The following BMP1 variants were observed in gnomAD, a reference collection of about 807,000 sequenced individuals.
BMP1 encodes the protein mammalian tolloid protein.
A neutral mutation model predicts 116.8 loss-of-function variants in BMP1; 63 were observed. The observed-to-expected ratio is 0.54, with a 90% confidence interval of 0.44 to 0.67. The LOEUF (loss-of-function observed/expected upper bound fraction) is 0.67, where lower values mean the gene tolerates loss of function less well. BMP1 is among the 30% of genes least tolerant of loss of function. The probability of loss-of-function intolerance (pLI) is 0.00; values close to 1 mark genes in which losing one functional copy is unlikely to be tolerated. For synonymous variants in BMP1, 536 were observed against 533.4 expected (o/e 1.00, Z -0.07); for missense variants, 1,183 against 1,358.9 (o/e 0.87, Z 2.04).
intron 15 of BMP1, chr8:22,201,373 G>A: frequency 1.4e-6 from 2 of 1,469,912 alleles, no homozygotes; most frequent in Non-Finnish European, 8.9e-7. Flanking sequence ...CCCGTCCGCG[G>A]ACCGGGGACC....
chr8:22,211,928 A>G lies in BMP1; in HGVS notation c.*200A>G, dbSNP rs1219272438. The G allele has an allele frequency of 2.7e-6, 2 of 733,684 alleles. No individual in the cohort carries two copies. The highest frequency in any genetic ancestry group is 4.3e-6 in the Non-Finnish European group (2 of 460,076). The allele number at this position is 733,684 out of a possible 1,614,324, so 45.4% of individuals were successfully genotyped here. A position where few individuals can be genotyped will look rare whatever the true frequency, so the allele number is the denominator to read the frequency against. On this transcript the variant is annotated 3_prime_UTR_variant, in exon 20 of 20. Transcript: ENST00000306385. ...AGCCACTTCCCCACAAACCCCCACC[A>G]GCAAGGGGCTGGGGCCAGGGAGCAG...
chr8:22,191,873 C>T (rs778296029), intron 8 of BMP1, among the ~76,000 whole-genome samples, 176 bp from the exon 9 acceptor site: 3 of 152,222 alleles, frequency 2.0e-5, no homozygotes, highest in Non-Finnish European at 4.4e-5. Flanking sequence ...GCTGACCATA[C>T]ACAGACAACT....
chr8:22,184,696 T>G (rs894236639), intron 8 of BMP1, among the ~76,000 whole-genome samples: 57 of 152,146 alleles, frequency 3.7e-4, no homozygotes, highest in Non-Finnish European at 2.1e-4. Flanking sequence ...CCCATAACAC[T>G]TTTACAACCT....
intron 16 of BMP1, among the ~76,000 whole-genome samples, chr8:22,202,640 G>A (rs899604241): frequency 1.3e-5 from 2 of 152,202 alleles, no homozygotes; most frequent in Non-Finnish European, 2.9e-5. Context: ...TTGAGCTCAG[G>A]CATTCAAGAC....
chr8:22,177,147 C>T lies in BMP1; in HGVS notation c.730+8C>T. On this transcript the variant is annotated splice_region_variant and intron_variant, in intron 5 of 19. Transcript: ENST00000306385. The stretch of plus-strand genomic sequence containing the variant: ...GTGAGAACATCCAGCCAGGTAGGTA[C>T]CTGCCCCTCGGTGCGGCCTTGGTGG... 3 of 1,592,876 alleles carry T rather than the reference C, an allele frequency of 1.9e-6. No individual in the cohort carries two copies. Among genetic ancestry groups the T allele is most frequent in the Non-Finnish European group, 1.7e-6 (2 of 1,166,804 alleles).
chr8:22,190,895 G>A (rs997903318), intron 8 of BMP1, among the ~76,000 whole-genome samples: 5 of 152,144 alleles, frequency 3.3e-5, no homozygotes, highest in African/African-American at 7.2e-5. Flanking sequence ...TCGAGTGTCC[G>A]CTGCACTGGC....
rs145020097 is a variant in BMP1, at chr8:22,208,357, C to G, written c.2575+841C>G. On this transcript the variant is annotated intron_variant, in intron 18 of 19. Coordinates refer to ENST00000306385, the MANE Select transcript of BMP1 (RefSeq NM_006129.5). ...CGCTCTGCGAGAGGACTAAGGGGCACGTGGCCTGAATCAGGCATGAGCCCT... is the reference window on the plus strand; with the variant it reads ...CGCTCTGCGAGAGGACTAAGGGGCAGGTGGCCTGAATCAGGCATGAGCCCT... Among the ~76,000 whole-genome samples, 1,071 of 152,348 alleles carry G rather than the reference C, an allele frequency of 7.0e-3. 11 individuals carry two copies. The highest frequency in any genetic ancestry group is 8.2e-3 in the Non-Finnish European group (560 of 68,036).
At chr8:22,188,383 T>C (rs1828838186) in intron 8 of BMP1, among the ~76,000 whole-genome samples, 2 of 152,200 alleles carry the variant, frequency 1.3e-5, no homozygotes, top group South Asian at 2.1e-4. Flanking sequence ...TTGCTCAGGC[T>C]GGTCTCAAAC....
rs372332678 is a variant in BMP1, at chr8:22,165,438, C to A, written c.33C>A (p.Leu11=). The change falls in exon 1 of 20, where the codon CTC becomes CTA. Residue 11 remains leucine (L), a synonymous_variant. Transcript: ENST00000306385. MPGVARLPLL[L]GLLLLPRPGR... Reference sequence around the variant, plus strand: ...GCGTGGCCCGCCTGCCGCTGCTGCTCGGGCTGCTGCTGCTCCCGCGTCCCG... The same window carrying A: ...GCGTGGCCCGCCTGCCGCTGCTGCTAGGGCTGCTGCTGCTCCCGCGTCCCG... The A allele has an allele frequency of 5.1e-6, 8 of 1,564,570 alleles. No individual in the cohort carries two copies. In the South Asian group the frequency reaches 9.3e-5, roughly 18 times the overall value.
In BMP1 at chr8:22,177,012, C is replaced by A. The variant is rs751620502; in HGVS notation, c.603C>A (p.Ile201=). The A allele has an allele frequency of 1.2e-6, 2 of 1,612,860 alleles. No individual in the cohort carries two copies. The highest frequency in any genetic ancestry group is 1.1e-5 in the South Asian group (1 of 90,996). Residue 201 remains isoleucine, a synonymous_variant, in exon 5 of 20, where the codon ATC becomes ATA. Transcript: ENST00000306385. ...GCGGGGGCCCCCAGGCCATCTCCAT[C>A]GGCAAGAACTGTGACAAGTTCGGCA... ...RRGGGPQAIS[I]GKNCDKFGIV... is the part of the protein sequence containing the mutation.
chr8:22,211,620 A>T lies in BMP1; in HGVS notation c.2853A>T (p.Gly951=). ...SGPPEEVYSA[G]DSVLVKFHSD... Reference sequence around the variant, plus strand: ...CTCCTGAGGAGGTGTACTCGGCGGGAGATTCTGTCCTGGTGAAGTTCCACT... The same window carrying T: ...CTCCTGAGGAGGTGTACTCGGCGGGTGATTCTGTCCTGGTGAAGTTCCACT... Residue 951 remains glycine (G), a synonymous_variant, in exon 20 of 20, where the codon GGA becomes GGT. Transcript: ENST00000306385. 1 of 1,614,094 alleles carries T rather than the reference A, an allele frequency of 6.2e-7. No homozygotes were observed. Among genetic ancestry groups the T allele is most frequent in the Non-Finnish European group, 8.5e-7 (1 of 1,180,012 alleles).
intron 13 of BMP1, chr8:22,196,431 C>T: frequency 3.3e-6 from 2 of 607,784 alleles, no homozygotes; most frequent in Non-Finnish European, 5.9e-6. Flanking sequence ...TGTTCATTTG[C>T]AGAGAAGATA....
intron 16 of BMP1, among the ~76,000 whole-genome samples, chr8:22,202,514 G>T (rs1829286116): frequency 6.6e-6 from 1 of 152,200 alleles, no homozygotes; most frequent in African/African-American, 2.4e-5. Flanking sequence ...GTCAGAACAG[G>T]GCCACTGCCT....
chr8:22,174,970 T>C (rs1003699527), intron 2 of BMP1, among the ~76,000 whole-genome samples: 1 of 152,186 alleles, frequency 6.6e-6, no homozygotes, highest in African/African-American at 2.4e-5. Context: ...CTGGGAACAC[T>C]GTGGTGTGCC....
At chr8:22,180,524 G>A (rs763251398) in intron 8 of BMP1, 41 bp downstream of exon 8, 37 of 1,571,006 alleles carry the variant, frequency 2.4e-5, no homozygotes, top group Middle Eastern at 1.7e-4. Context: ...CCTCCCCTGC[G>A]GGTCCCCATA....
chr8:22,169,744 C>T (rs1828222273), intron 1 of BMP1: 1 of 152,260 alleles, frequency 6.6e-6, no homozygotes, highest in Non-Finnish European at 1.5e-5. Flanking sequence ...CCTCTCCCCA[C>T]TTCCCCAGAA....
At position 22,165,583 on chromosome 8, in the gene BMP1, G is replaced by C. The variant is rs750747298; in HGVS notation, c.148+30G>C. ...GCGCCCCCCGGCCCCCCGGCGACGG[G>C]CCAGGCGGGGAGGCGCGGGCGGGTT... On this transcript the variant is annotated intron_variant, in intron 1 of 19. Coordinates refer to ENST00000306385, the MANE Select transcript of BMP1 (RefSeq NM_006129.5). 6.4e-6 allele frequency: 10 copies of C among 1,551,104 alleles called. No individual in the cohort carries two copies. The South Asian group carries it at 9.5e-5, about 15-fold the overall frequency.
Position 22,179,638 on chromosome 8 carries a change from G to T in BMP1, c.837-67G>T. ...GGTCGTGACTTGTGGGTACAGATGG[G>T]CATGCCACCCACTCCCTGCCCACTG... is the stretch of plus-strand genomic sequence containing the variant. On this transcript the variant is annotated intron_variant, in intron 6 of 19. Transcript: ENST00000306385. This position sits in a 1 kb window ranked among gnomAD's most constrained non-coding sequence, Gnocchi z 4.6. 6.2e-7 allele frequency: 1 copy of T among 1,606,360 alleles called. No individual in the cohort carries two copies. Among genetic ancestry groups the T allele is most frequent in the Non-Finnish European group, 8.5e-7 (1 of 1,175,728 alleles).
At chr8:22,191,342 C>T (rs972999574) in intron 8 of BMP1, among the ~76,000 whole-genome samples, 1 of 152,224 alleles carries the variant, frequency 6.6e-6, no homozygotes, top group Non-Finnish European at 1.5e-5. Context: ...GCGTATGTCT[C>T]ATCCCTCCCT....
Sources: gnomAD v4.1 joint callset for allele counts (sites outside exome capture counted in the v4.1 genomes callset) on GRCh38, gnomAD v4.1.1 for gene constraint, Gnocchi (gnomAD v3.1) non-coding constraint, MANE v1.5 for transcripts, NCBI Gene and HGNC (gene_info 2026-07-23, HGNC 2026-07-21) for gene names.